SPAG16: variants seen among roughly 807,000 people sequenced by gnomAD.
SPAG16 encodes sperm associated antigen 16, also known as sperm-associated antigen 16 protein.
A neutral mutation model predicts 80.4 loss-of-function variants in SPAG16; 86 were observed. The ratio of observed to expected loss-of-function variants is 1.07; its 90% CI spans 0.90 to 1.28. The LOEUF (loss-of-function observed/expected upper bound fraction) is 1.28. SPAG16 is among the 50% of genes most tolerant of loss of function. The pLI, the probability that SPAG16 is intolerant of heterozygous loss-of-function variation, is 0.00. For synonymous variants in SPAG16, 294 were observed against 265.9 expected (o/e 1.11, Z -1.03); for missense variants, 870 against 765.3 (o/e 1.14, Z -1.61).
intron 15 of SPAG16, among the ~76,000 whole-genome samples, chr2:214,208,108 C>G (rs939679245): frequency 6.6e-6 from 1 of 152,204 alleles, no homozygotes; most frequent in Non-Finnish European, 1.5e-5. Context: ...TAATAACTCT[C>G]TTTCATATAT....
chr2:214,266,210 G>A (rs1276349650), intron 15 of SPAG16, among the ~76,000 whole-genome samples: 1 of 151,866 alleles, frequency 6.6e-6, no homozygotes, highest in African/African-American at 2.4e-5. Context: ...GTAGCGAAGA[G>A]GCAGCAACAT....
At chr2:213,810,408 T>C (rs776164176) in intron 10 of SPAG16, among the ~76,000 whole-genome samples, 27 of 152,108 alleles carry the variant, frequency 1.8e-4, no homozygotes, top group Non-Finnish European at 3.7e-4. Context: ...CAAATGATTG[T>C]AGTGGCAAGG....
At chr2:213,863,488 A>C (rs889311325) in intron 11 of SPAG16, among the ~76,000 whole-genome samples, 1 of 152,124 alleles carries the variant, frequency 6.6e-6, no homozygotes, top group Non-Finnish European at 1.5e-5. Context: ...GAAATTTGTA[A>C]GTTAATGACA....
intron 13 of SPAG16, among the ~76,000 whole-genome samples, chr2:214,071,587 C>T (rs986056293): frequency 1.3e-5 from 2 of 152,070 alleles, no homozygotes; most frequent in African/African-American, 4.8e-5. Context: ...AACATGAACT[C>T]CAACATAAAA....
At chr2:214,115,052 ATCTTT>A (rs764629774) in intron 14 of SPAG16, among the ~76,000 whole-genome samples, 2 of 152,220 alleles carry the variant, frequency 1.3e-5, no homozygotes, top group Non-Finnish European at 2.9e-5. Context: ...CCATTAATTG[ATCTTT>A]TCTTTGCTGC....
chr2:213,727,133 A>G (rs977724160), intron 10 of SPAG16, among the ~76,000 whole-genome samples: 3 of 152,218 alleles, frequency 2.0e-5, no homozygotes, highest in African/African-American at 7.2e-5. Context: ...TTACCAGACA[A>G]TGCCTAGAGG....
chr2:213,773,112 G>A (rs1470566906), intron 10 of SPAG16, among the ~76,000 whole-genome samples: 3 of 150,850 alleles, frequency 2.0e-5, no homozygotes, highest in Non-Finnish European at 4.4e-5. Context: ...ATATCATTTG[G>A]TTTATCCCTT....
intron 10 of SPAG16, among the ~76,000 whole-genome samples, chr2:213,653,923 G>T (rs934484322): frequency 6.6e-6 from 1 of 151,934 alleles, no homozygotes; most frequent in African/African-American, 2.4e-5. Context: ...AAATGCTTAA[G>T]CCTTACTTAA....
At chr2:213,366,090 C>T (rs1420835765) in intron 8 of SPAG16, among the ~76,000 whole-genome samples, 67 of 143,824 alleles carry the variant, frequency 4.7e-4, no homozygotes, top group African/African-American at 1.7e-3. Context: ...TGCAGTGAGC[C>T]GAGATCCCGC....
At chr2:214,125,753 C>T (rs2054443036) in intron 14 of SPAG16, among the ~76,000 whole-genome samples, 1 of 151,564 alleles carries the variant, frequency 6.6e-6, no homozygotes, top group African/African-American at 2.4e-5. Context: ...AGCCAAAAGT[C>T]CTGTAACAAA....
intron 15 of SPAG16, among the ~76,000 whole-genome samples, chr2:214,387,402 C>A (rs1219780933): frequency 6.6e-6 from 1 of 152,068 alleles, no homozygotes. Context: ...CAGTATATAA[C>A]TGTTGAGGGA....
chr2:213,576,802 G>A (rs2060142550), intron 10 of SPAG16, among the ~76,000 whole-genome samples: 1 of 152,052 alleles, frequency 6.6e-6, no homozygotes, highest in African/African-American at 2.4e-5. Context: ...AGAACACATA[G>A]ACACATAGAG....
chr2:213,630,649 A>G (rs1009655312), intron 10 of SPAG16, among the ~76,000 whole-genome samples: 1 of 152,242 alleles, frequency 6.6e-6, no homozygotes, highest in African/African-American at 2.4e-5. Flanking sequence ...AACTGAGAAT[A>G]TATAGAAACA....
At chr2:213,634,277 C>G (rs1209311174) in intron 10 of SPAG16, among the ~76,000 whole-genome samples, 1 of 152,132 alleles carries the variant, frequency 6.6e-6, no homozygotes, top group African/African-American at 2.4e-5. Context: ...CATAAACAAA[C>G]AAACAAAATG....
chr2:213,975,518 G>T (rs553225909), intron 12 of SPAG16, among the ~76,000 whole-genome samples: 24 of 151,848 alleles, frequency 1.6e-4, no homozygotes, highest in African/African-American at 5.8e-4. Flanking sequence ...AACTGCAAAT[G>T]ATGATGAGAA....
chr2:213,324,747 T>A (rs1289237166), intron 5 of SPAG16, among the ~76,000 whole-genome samples: 1 of 152,154 alleles, frequency 6.6e-6, no homozygotes. Flanking sequence ...TCATTTCTTA[T>A]AAAAACTTAG....
chr2:214,184,317 G>A (rs1371868411), intron 15 of SPAG16, among the ~76,000 whole-genome samples: 1 of 151,986 alleles, frequency 6.6e-6, no homozygotes, highest in African/African-American at 2.4e-5. Flanking sequence ...TAAATGTAAA[G>A]TTAGTTGAAA....
rs34005287 is a variant in SPAG16, at chr2:213,469,570, G to GTTTT, written c.943-20370_943-20367dup. Among the ~76,000 whole-genome samples the GTTTT allele has an allele frequency of 5.2e-4, 41 of 79,294 alleles. 6 individuals carry two copies. The highest frequency in any genetic ancestry group is 7.3e-4 in the Non-Finnish European group (30 of 41,276). The allele number at this position is 79,294 out of a possible 152,430, so 52.0% of individuals were successfully genotyped here. A position where few individuals can be genotyped will look rare whatever the true frequency, so the allele number is the denominator to read the frequency against. ...TTGCCTTCAGCAAGCACCTCAGCAG[G>GTTTT]TTTTTTTTTTTTTTTTTTTTTTTTT... On this transcript the variant is annotated intron_variant, in intron 9 of 15. Transcript: ENST00000331683.
chr2:213,991,547 T>C (rs1171617603), intron 12 of SPAG16, among the ~76,000 whole-genome samples: 1 of 152,142 alleles, frequency 6.6e-6, no homozygotes, highest in Non-Finnish European at 1.5e-5. Flanking sequence ...TCTGAATCCA[T>C]GTTTTCCATT....
Sources: allele counts gnomAD v4.1 joint callset (sites outside exome capture counted in the v4.1 genomes callset), GRCh38; gene constraint gnomAD v4.1.1; transcripts MANE v1.5; gene names NCBI Gene and HGNC (gene_info 2026-07-23, HGNC 2026-07-21).